CYP3A43: variants seen among roughly 807,000 people sequenced by gnomAD.
CYP3A43 encodes the protein cytochrome P450 3A43.
CYP3A43 carries 45 observed loss-of-function variants against 58.0 expected under a neutral mutation model. The ratio of observed to expected loss-of-function variants is 0.78; its 90% confidence interval spans 0.61 to 0.99. The LOEUF is 0.99. Among genes scored for constraint, CYP3A43 ranks in the 50% least tolerant of loss-of-function variants. CYP3A43 has a pLI of 0.00. For synonymous variants in CYP3A43, 191 were observed against 201.4 expected (o/e 0.95, Z 0.44); for missense variants, 593 against 591.9 (o/e 1.00, Z -0.02).
intron 2 of CYP3A43, among the ~76,000 whole-genome samples, chr7:99,838,449 G>A (rs921960851): frequency 1.2e-4 from 19 of 152,188 alleles, no homozygotes; most frequent in African/African-American, 4.1e-4. Flanking sequence ...CTCACTTTCC[G>A]TCAGCCTCGG....
chr7:99,835,927 A>G (rs1275990184), intron 1 of CYP3A43, among the ~76,000 whole-genome samples: 1 of 152,228 alleles, frequency 6.6e-6, no homozygotes, highest in African/African-American at 2.4e-5. Flanking sequence ...CAGAATTATA[A>G]CTAGGCTTGT....
intron 9 of CYP3A43, 36 bp downstream of exon 9, chr7:99,856,935 G>GAC: frequency 6.3e-7 from 1 of 1,589,846 alleles, no homozygotes; most frequent in Non-Finnish European, 8.5e-7. Context: ...TACTGATGGG[G>GAC]ACACTCAGAG....
At chr7:99,860,802 G>T (rs530107036) in intron 10 of CYP3A43, among the ~76,000 whole-genome samples, 1 of 152,116 alleles carries the variant, frequency 6.6e-6, no homozygotes, top group Admixed American at 6.5e-5. Flanking sequence ...AAGTTCTTTT[G>T]TCATATTTGG....
chr7:99,856,728 T>G, intron 8 of CYP3A43, 105 bp from the exon 9 acceptor site: 1 of 1,192,854 alleles, frequency 8.4e-7, no homozygotes, highest in Non-Finnish European at 1.2e-6. Context: ...CTTCTGAACT[T>G]AAAGAGAGCA....
At chr7:99,844,793 G>A (rs545065968) in intron 4 of CYP3A43, among the ~76,000 whole-genome samples, 27 of 152,196 alleles carry the variant, frequency 1.8e-4, no homozygotes, top group Non-Finnish European at 3.1e-4. Flanking sequence ...GTTTAAGGCT[G>A]GGTGCGGTGG....
chr7:99,833,926 C>T (rs112318130), intron 1 of CYP3A43, among the ~76,000 whole-genome samples: 40 of 152,276 alleles, frequency 2.6e-4, no homozygotes, highest in African/African-American at 9.6e-4. Context: ...TTGAATTCTC[C>T]AAAGGCTGAC....
chr7:99,859,364 T>G (rs1189288474), intron 9 of CYP3A43, among the ~76,000 whole-genome samples: 5 of 152,232 alleles, frequency 3.3e-5, no homozygotes, highest in Non-Finnish European at 7.3e-5. Flanking sequence ...TTCCTTTATA[T>G]TTCCCTAAAA....
At chr7:99,838,322 G>T (rs992229358) in intron 2 of CYP3A43, among the ~76,000 whole-genome samples, 2 of 152,192 alleles carry the variant, frequency 1.3e-5, no homozygotes, top group East Asian at 1.9e-4. Context: ...GACTAAAAGT[G>T]GTCCCTGATG....
intron 1 of CYP3A43, among the ~76,000 whole-genome samples, chr7:99,832,545 TG>T (rs1429385585): frequency 1.3e-4 from 3 of 22,846 alleles, no homozygotes; most frequent in Non-Finnish European, 2.5e-4. Flanking sequence ...TGTTGTGGGG[TG>T]GGGGGAGGGG....
chr7:99,828,686 A>G (rs1167495345), intron 1 of CYP3A43, among the ~76,000 whole-genome samples: 1 of 152,080 alleles, frequency 6.6e-6, no homozygotes, highest in Non-Finnish European at 1.5e-5. Context: ...ACTTTGTCAT[A>G]CTGAGTAGTT....
In CYP3A43 at chr7:99,828,030, C is replaced by A; in HGVS notation, c.-86C>A. On this transcript the variant is annotated 5_prime_UTR_variant, in exon 1 of 13. Transcript: ENST00000354829. ...ACTAAATCACCTCTGGGCAGAGAAA[C>A]AAAGCTCTATATGCACAGCCCAGCA... The A allele has an allele frequency of 1.9e-6, 2 of 1,075,094 alleles. No homozygotes were observed. The highest frequency in any genetic ancestry group is 2.7e-6 in the Non-Finnish European group (2 of 740,364). The allele number at this position is 1,075,094 out of a possible 1,614,324, so 66.6% of individuals were successfully genotyped here.
At chr7:99,845,067 C>CA (rs575207725) in intron 4 of CYP3A43, among the ~76,000 whole-genome samples, 2,456 of 105,386 alleles carry the variant, frequency 0.023, 69 homozygotes, top group African/African-American at 0.064. Context: ...GACTCAGTCT[C>CA]AAAAAAAAAA....
At chr7:99,847,828 A>G (rs1051372320) in intron 5 of CYP3A43, 47 of 576,984 alleles carry the variant, frequency 8.1e-5, no homozygotes, top group Admixed American at 8.7e-5. Context: ...CCTGGCCAAC[A>G]TGGTGAAACC....
intron 2 of CYP3A43, among the ~76,000 whole-genome samples, chr7:99,837,311 T>C (rs1255673589): frequency 3.1e-5 from 4 of 129,886 alleles, no homozygotes; most frequent in African/African-American, 1.4e-4. Flanking sequence ...AGAGCGAGAC[T>C]GTGTCTCAAA....
intron 4 of CYP3A43, among the ~76,000 whole-genome samples, chr7:99,846,918 C>G (rs1272782165): frequency 6.6e-6 from 1 of 152,102 alleles, no homozygotes. Context: ...TATTTTTCCT[C>G]TAATCCTGGG....
chr7:99,844,782 G>T (rs1391899962), intron 4 of CYP3A43, among the ~76,000 whole-genome samples: 1 of 151,974 alleles, frequency 6.6e-6, no homozygotes, highest in African/African-American at 2.4e-5. Flanking sequence ...AAAGTTATAT[G>T]GTTTAAGGCT....
chr7:99,836,437 C>T lies in CYP3A43; in HGVS notation c.72-16C>T, dbSNP rs1342848127. ...GTTACAATTTCTGTAACCTGGCTTT[C>T]TCTTTTATTTTATAGTTATGGGACC... On this transcript the variant is annotated splice_polypyrimidine_tract_variant and intron_variant, in intron 1 of 12. Coordinates refer to ENST00000354829, the MANE Select transcript of CYP3A43 (RefSeq NM_057095.3). The T allele has an allele frequency of 1.9e-6, 3 of 1,605,208 alleles. No homozygotes were observed. The highest frequency in any genetic ancestry group is 2.6e-6 in the Non-Finnish European group (3 of 1,174,158).
intron 7 of CYP3A43, among the ~76,000 whole-genome samples, chr7:99,853,110 A>G (rs1177287521): frequency 2.0e-5 from 3 of 152,200 alleles, no homozygotes; most frequent in Non-Finnish European, 1.5e-5. Context: ...TACTGGCCTT[A>G]TAGAATGAAT....
At chr7:99,837,277 C>T (rs1211262409) in intron 2 of CYP3A43, among the ~76,000 whole-genome samples, 1 of 146,530 alleles carries the variant, frequency 6.8e-6, no homozygotes, top group Non-Finnish European at 1.5e-5. Flanking sequence ...CGAGATAGCG[C>T]CACTGCACTC....
Sources: gnomAD v4.1 joint callset for allele counts (sites outside exome capture counted in the v4.1 genomes callset) on GRCh38, gnomAD v4.1.1 for gene constraint, MANE v1.5 for transcripts, NCBI Gene and HGNC (gene_info 2026-07-23, HGNC 2026-07-21) for gene names.